MGAT5: variants seen among roughly 807,000 people sequenced by gnomAD.
MGAT5 encodes alpha-1,6-mannosylglycoprotein 6-beta-N-acetylglucosaminyltransferase.
A neutral mutation model predicts 94.3 loss-of-function variants in MGAT5; 30 were observed. The observed-to-expected ratio is 0.32, with a 90% confidence interval of 0.24 to 0.43. MGAT5 has a LOEUF of 0.43. Ranked by LOEUF, MGAT5 falls within the 20% of genes least tolerant of loss-of-function variation. The pLI, the probability that MGAT5 is intolerant of heterozygous loss-of-function variation, is 1.00. For synonymous variants in MGAT5, 310 were observed against 322.9 expected (o/e 0.96, Z 0.43); for missense variants, 691 against 905.5 (o/e 0.76, Z 3.04).
At chr2:134,427,009 A>G (rs1036018822) in intron 13 of MGAT5, among the ~76,000 whole-genome samples, 2 of 152,184 alleles carry the variant, frequency 1.3e-5, no homozygotes, top group Non-Finnish European at 2.9e-5. Flanking sequence ...ATTTGAAGAC[A>G]ATTAAAATTT....
intron 4 of MGAT5, among the ~76,000 whole-genome samples, chr2:134,329,236 G>T (rs1027535545): frequency 2.6e-5 from 4 of 152,090 alleles, no homozygotes; most frequent in Admixed American, 2.0e-4. Context: ...GGCAAACAGT[G>T]TAGGAGTTGA....
In MGAT5 at chr2:134,181,757, A is replaced by G. The variant is rs1045646139; in HGVS notation, c.-143+61466A>G. On this transcript the variant is annotated intron_variant, in intron 1 of 16. Coordinates refer to the MGAT5 transcript ENST00000409645. ...AATTATTGCATGCCACATGAAAGCT[A>G]ATTTGGAGAACTCCCTATTACACAG... is the stretch of plus-strand genomic sequence containing the variant. Among the ~76,000 whole-genome samples, 3 of 152,320 alleles carry G rather than the reference A, an allele frequency of 2.0e-5. No homozygotes were observed. The South Asian group carries it at 6.2e-4, about 32-fold the overall frequency.
chr2:134,272,151 G>GC (rs1430485147), intron 2 of MGAT5, among the ~76,000 whole-genome samples: 6 of 152,332 alleles, frequency 3.9e-5, no homozygotes, highest in African/African-American at 1.4e-4. Flanking sequence ...AAGCCACAGA[G>GC]CACAGGGTCG....
At chr2:134,361,983 G>A (rs758579243) in intron 9 of MGAT5, among the ~76,000 whole-genome samples, 5 of 152,180 alleles carry the variant, frequency 3.3e-5, no homozygotes, top group Non-Finnish European at 7.3e-5. Context: ...TTATTCTGAG[G>A]CAACAAGGAA....
intron 1 of MGAT5, among the ~76,000 whole-genome samples, chr2:134,161,837 C>A (rs939351860): frequency 2.0e-5 from 3 of 151,968 alleles, no homozygotes; most frequent in Non-Finnish European, 4.4e-5. Flanking sequence ...CCTTGCTAAA[C>A]ATGTGTAAAA....
At chr2:134,428,101 A>G (rs980117694) in intron 13 of MGAT5, among the ~76,000 whole-genome samples, 12 of 152,246 alleles carry the variant, frequency 7.9e-5, no homozygotes, top group Non-Finnish European at 1.6e-4. Flanking sequence ...TCTCCCAGAT[A>G]ATCTTTGCAG....
At chr2:134,426,752 G>T (rs961793980) in intron 13 of MGAT5, among the ~76,000 whole-genome samples, 1 of 152,172 alleles carries the variant, frequency 6.6e-6, no homozygotes, top group African/African-American at 2.4e-5. Context: ...GTGAAGGGCT[G>T]TGTCTGGGTT....
chr2:134,205,303 A>G (rs948416279), intron 1 of MGAT5, among the ~76,000 whole-genome samples: 1 of 152,198 alleles, frequency 6.6e-6, no homozygotes, highest in Non-Finnish European at 1.5e-5. Context: ...TAGAGCAGGC[A>G]GGAAGACGAG....
At chr2:134,253,768 C>T (rs1682759325), upstream of MGAT5, among the ~76,000 whole-genome samples, 1 of 152,198 alleles carries the variant, frequency 6.6e-6, no homozygotes, top group Admixed American at 6.5e-5. Flanking sequence ...TAAGATGTAG[C>T]AATCTACCTC....
chr2:134,364,689 A>G (rs1680312902), intron 10 of MGAT5, among the ~76,000 whole-genome samples: 1 of 152,214 alleles, frequency 6.6e-6, no homozygotes, highest in Non-Finnish European at 1.5e-5. Context: ...TCTTTGCCTG[A>G]GTAATAACAC....
chr2:134,212,764 C>G (rs1287241413), intron 1 of MGAT5, among the ~76,000 whole-genome samples: 1 of 152,190 alleles, frequency 6.6e-6, no homozygotes, highest in Non-Finnish European at 1.5e-5. Flanking sequence ...TACTTTCAGT[C>G]TGTTTCCCTC....
chr2:134,303,246 C>A (rs751751158), intron 2 of MGAT5, among the ~76,000 whole-genome samples: 2 of 151,986 alleles, frequency 1.3e-5, no homozygotes, highest in Non-Finnish European at 2.9e-5. Context: ...GCTTTAAATT[C>A]TTTGTTAGTT....
At chr2:134,299,085 A>C (rs978154639) in intron 2 of MGAT5, among the ~76,000 whole-genome samples, 2 of 152,038 alleles carry the variant, frequency 1.3e-5, no homozygotes, top group Admixed American at 6.6e-5. Flanking sequence ...TCTTCCCTAG[A>C]ATTTATATCT....
intron 9 of MGAT5, among the ~76,000 whole-genome samples, chr2:134,356,081 G>A (rs543739260): frequency 2.0e-5 from 3 of 152,264 alleles, no homozygotes; most frequent in South Asian, 2.1e-4. Flanking sequence ...TATGTGTTAA[G>A]TACCTGCAAC....
chr2:134,321,278 T>C (rs1375622994), intron 4 of MGAT5, among the ~76,000 whole-genome samples: 1 of 147,964 alleles, frequency 6.8e-6, no homozygotes, highest in African/African-American at 2.5e-5. Flanking sequence ...TGAAAGAATT[T>C]AGCCAGAGTC....
At chr2:134,289,743 C>G (rs1242263418) in intron 2 of MGAT5, among the ~76,000 whole-genome samples, 1 of 152,132 alleles carries the variant, frequency 6.6e-6, no homozygotes, top group Non-Finnish European at 1.5e-5. Context: ...GGTACAGTGA[C>G]CAACACTCAG....
At chr2:134,124,311 T>G (rs1685744328) in intron 1 of MGAT5, among the ~76,000 whole-genome samples, 1 of 152,210 alleles carries the variant, frequency 6.6e-6, no homozygotes, top group African/African-American at 2.4e-5. Flanking sequence ...GTTGTATTTA[T>G]TTTTTTCATT....
chr2:134,272,235 C>T (rs894074373), intron 2 of MGAT5, among the ~76,000 whole-genome samples: 9 of 152,140 alleles, frequency 5.9e-5, no homozygotes, highest in Non-Finnish European at 1.2e-4. Context: ...ATATACCAGC[C>T]GTATGTATTG....
At chr2:134,197,099 G>A (rs994358215) in intron 1 of MGAT5, among the ~76,000 whole-genome samples, 5 of 152,178 alleles carry the variant, frequency 3.3e-5, no homozygotes, top group African/African-American at 1.2e-4. Flanking sequence ...TGTGGTGGAT[G>A]GTATGGGGGG....
Sources: gnomAD v4.1 joint callset for allele counts (sites outside exome capture counted in the v4.1 genomes callset) on GRCh38, gnomAD v4.1.1 for gene constraint, MANE v1.5 for transcripts, NCBI Gene and HGNC (gene_info 2026-07-23, HGNC 2026-07-21) for gene names.